Variants in ATP9A observed in about 807,000 individuals in gnomAD.
ATP9A encodes the protein ATPase phospholipid transporting 9A.
A neutral mutation model predicts 144.1 loss-of-function variants in ATP9A; 52 were observed. The ratio of observed to expected loss-of-function variants is 0.36; its 90% confidence interval spans 0.29 to 0.45. The LOEUF (loss-of-function observed/expected upper bound fraction) is 0.45, where lower values mean the gene tolerates loss of function less well. ATP9A is among the 20% of genes least tolerant of loss of function. The probability of loss-of-function intolerance (pLI) is 1.00; values close to 1 mark genes in which losing one functional copy is unlikely to be tolerated. For synonymous variants in ATP9A, 582 were observed against 557.4 expected (o/e 1.04, Z -0.62); for missense variants, 947 against 1,392.7 (o/e 0.68, Z 5.09).
At chr20:51,670,598 T>C (rs1228266058) in intron 12 of ATP9A, among the ~76,000 whole-genome samples, 1 of 152,144 alleles carries the variant, frequency 6.6e-6, no homozygotes, top group African/African-American at 2.4e-5. Flanking sequence ...CCCAGGATCT[T>C]TGCATTAGCT....
chr20:51,607,622 C>T (rs2273089), intron 25 of ATP9A, 38 bp from the exon 26 acceptor site: 696,540 of 1,553,024 alleles, frequency 0.45, 158,492 homozygotes, highest in African/African-American at 0.6. Context: ...GCCGGTTTCG[C>T]GGGGGGCTCA....
chr20:51,631,774 C>T (rs1360470080), intron 15 of ATP9A, among the ~76,000 whole-genome samples: 1 of 152,158 alleles, frequency 6.6e-6, no homozygotes, highest in South Asian at 2.1e-4. Context: ...CGTGGCTCCA[C>T]GTGGGAAGGG....
At chr20:51,767,151 T>C (rs868623218) in intron 1 of ATP9A, among the ~76,000 whole-genome samples, 1 of 151,162 alleles carries the variant, frequency 6.6e-6, no homozygotes, top group Non-Finnish European at 1.5e-5. Flanking sequence ...GCGTCTCCTG[T>C]TCCGAGCAAC....
At chr20:51,605,134 G>T in intron 26 of ATP9A, 114 bp from the exon 27 acceptor site, 1 of 859,732 alleles carries the variant, frequency 1.2e-6, no homozygotes, top group Non-Finnish European at 1.7e-6. Context: ...GGCATCACTT[G>T]TTACATGAGG....
intron 1 of ATP9A, among the ~76,000 whole-genome samples, chr20:51,752,552 A>C (rs1034335387): frequency 6.6e-6 from 1 of 152,224 alleles, no homozygotes; most frequent in Admixed American, 6.6e-5. Flanking sequence ...ACCTCTGTTA[A>C]CTTTTCTGTG....
chr20:51,605,693 A>G (rs1453243134), intron 26 of ATP9A, among the ~76,000 whole-genome samples: 2 of 151,888 alleles, frequency 1.3e-5, no homozygotes, highest in Non-Finnish European at 2.9e-5. Context: ...CGGGCGGATC[A>G]CTGGAGGCCA....
intron 3 of ATP9A, among the ~76,000 whole-genome samples, chr20:51,718,186 C>T (rs1375645645): frequency 6.6e-6 from 1 of 152,092 alleles, no homozygotes; most frequent in African/African-American, 2.4e-5. Context: ...CCTTCGAGGA[C>T]ACCTTGGGAT....
chr20:51,644,762 T>A (rs937841955), intron 14 of ATP9A, among the ~76,000 whole-genome samples: 2 of 151,702 alleles, frequency 1.3e-5, no homozygotes, highest in East Asian at 1.9e-4. Context: ...AAAAAAAAAA[T>A]TATTCTTCAG....
At chr20:51,710,652 T>C (rs1467647045) in intron 4 of ATP9A, among the ~76,000 whole-genome samples, 1 of 151,706 alleles carries the variant, frequency 6.6e-6, no homozygotes, top group African/African-American at 2.4e-5. Context: ...CAGAACTGTG[T>C]TCTGTTTTCC....
chr20:51,719,561 C>T lies in ATP9A; in HGVS notation c.327+6258G>A, dbSNP rs75408922. Among the ~76,000 whole-genome samples the T allele has an allele frequency of 2.6e-5, 4 of 151,622 alleles. No homozygotes were observed. The East Asian group carries it at 7.8e-4, about 30-fold the overall frequency. ...CATCCTGGCCAACATGGTGAAACCC[C>T]GTCTCTACTAAAAATACAAAAATTA... On this transcript the variant is annotated intron_variant, in intron 3 of 27. Coordinates refer to ENST00000338821, the MANE Select transcript of ATP9A (RefSeq NM_006045.3).
At chr20:51,764,916 T>C (rs1433177791) in intron 1 of ATP9A, among the ~76,000 whole-genome samples, 1 of 152,100 alleles carries the variant, frequency 6.6e-6, no homozygotes, top group East Asian at 1.9e-4. Flanking sequence ...AGACAGGGTT[T>C]CACCATGTTG....
At chr20:51,604,518 CAA>C (rs1279020300) in intron 27 of ATP9A, among the ~76,000 whole-genome samples, 1 of 152,126 alleles carries the variant, frequency 6.6e-6, no homozygotes, top group African/African-American at 2.4e-5. Context: ...TTCATGGGAA[CAA>C]AAAGATTTTG....
At chr20:51,682,575 A>ATTTTTTTT (rs2077504448) in intron 9 of ATP9A, among the ~76,000 whole-genome samples, 1 of 32,810 alleles carries the variant, frequency 3.0e-5, no homozygotes, top group Non-Finnish European at 7.5e-5. Context: ...TTTTCACTGT[A>ATTTTTTTT]TCTTTTTTTT....
At chr20:51,604,793 G>C (rs1297006272) in intron 27 of ATP9A, 24 bp downstream of exon 27, 2 of 1,467,382 alleles carry the variant, frequency 1.4e-6, no homozygotes, top group East Asian at 5.2e-5. Flanking sequence ...TGACGGACGG[G>C]GTTTAAGCAT....
rs1042757051 is a variant in ATP9A, at chr20:51,697,024, G to C, written c.495+400C>G. ...CCATAAAATAATAGACAAGCACAAT[G>C]GTTAGGTCAGGAAATGCAAGCTAAA... On this transcript the variant is annotated intron_variant, in intron 5 of 27. Coordinates refer to ENST00000338821, the MANE Select transcript of ATP9A (RefSeq NM_006045.3). 4.6e-5 allele frequency among the ~76,000 whole-genome samples: 7 copies of C among 152,194 alleles called. No homozygotes were observed. In the East Asian group the frequency reaches 1.4e-3, roughly 29 times the overall value.
intron 1 of ATP9A, among the ~76,000 whole-genome samples, chr20:51,757,751 C>A (rs1026758340): frequency 2.6e-5 from 4 of 151,986 alleles, no homozygotes; most frequent in African/African-American, 9.7e-5. Context: ...TAAAAAAATA[C>A]AAAAATTAGC....
chr20:51,636,543 C>A (rs1045826457), intron 15 of ATP9A, among the ~76,000 whole-genome samples: 1 of 152,184 alleles, frequency 6.6e-6, no homozygotes, highest in African/African-American at 2.4e-5. Flanking sequence ...CACACCCCAG[C>A]CCTAACCCCC....
chr20:51,658,122 C>T (rs148414524), intron 13 of ATP9A, among the ~76,000 whole-genome samples: 1 of 152,292 alleles, frequency 6.6e-6, no homozygotes, highest in African/African-American at 2.4e-5. Context: ...GCAGCTAGGA[C>T]ACCTGCAGCA....
chr20:51,760,216 C>G (rs2077873171), intron 1 of ATP9A, among the ~76,000 whole-genome samples: 1 of 152,120 alleles, frequency 6.6e-6, no homozygotes, highest in Non-Finnish European at 1.5e-5. Flanking sequence ...GCGTGAGTTA[C>G]AGAGTTGTTG....
Sources: gnomAD v4.1 joint callset for allele counts (sites outside exome capture counted in the v4.1 genomes callset) on GRCh38, gnomAD v4.1.1 for gene constraint, MANE v1.5 for transcripts, NCBI Gene and HGNC (gene_info 2026-07-23, HGNC 2026-07-21) for gene names.